PHKA1: variants seen among roughly 807,000 people sequenced by gnomAD.
PHKA1 encodes phosphorylase b kinase regulatory subunit alpha, skeletal muscle isoform.
Under a neutral mutation model 110.2 loss-of-function variants are expected in PHKA1, and 60 were observed. That is an observed-to-expected ratio of 0.54 (90% CI 0.44 to 0.68). The LOEUF (loss-of-function observed/expected upper bound fraction) is 0.68, where lower values mean the gene tolerates loss of function less well. Ranked by LOEUF, PHKA1 falls within the 30% of genes least tolerant of loss-of-function variation. The pLI, the probability that PHKA1 is intolerant of heterozygous loss-of-function variation, is 0.00. For missense variants in PHKA1, 801 were observed against 942.5 expected (o/e 0.85, Z 1.97); for synonymous variants, 316 against 333.6 (o/e 0.95, Z 0.58).
intron 10 of PHKA1, among the ~76,000 whole-genome samples, chrX:72,655,387 T>C (rs988702078): frequency 5.2e-4 from 58 of 111,729 alleles, no homozygotes; most frequent in African/African-American, 1.8e-3. Context: ...CACTACAGTC[T>C]GGGCAACAGA....
rs139396278 is a variant in PHKA1 at position 72,610,758 on chromosome X, C to A, written c.2526+270G>T. Among the ~76,000 whole-genome samples, 360 of 111,258 alleles carry A rather than the reference C, an allele frequency of 3.2e-3. 1 individual carries two copies. The highest frequency in any genetic ancestry group is 0.011 in the African/African-American group (347 of 30,662). On this transcript the variant is annotated intron_variant, in intron 22 of 31. Transcript: ENST00000373542. ...CCCACTAATGGTGTATGGATGTTTC[C>A]CTTTCTAGGAGGTAGGAACCTAGTG...
intron 12 of PHKA1, among the ~76,000 whole-genome samples, chrX:72,651,325 T>C (rs1051846742): frequency 4.0e-4 from 44 of 111,017 alleles, no homozygotes; most frequent in Non-Finnish European, 7.7e-4. Context: ...TCACCTGAGG[T>C]TGGGCTTTCG....
rs934636689 is a variant in PHKA1, at chrX:72,663,757, G to C, written c.864+2394C>G. Among the ~76,000 whole-genome samples the C allele has an allele frequency of 5.7e-5, 6 of 104,446 alleles. No homozygotes were observed. In the East Asian group the frequency reaches 1.8e-3, roughly 32 times the overall value. 90.7% of individuals were successfully genotyped at this position (104,446 alleles called of 115,157 possible). A position where few individuals can be genotyped will look rare whatever the true frequency, so the allele number is the denominator to read the frequency against. On this transcript the variant is annotated intron_variant, in intron 8 of 31. Transcript: ENST00000373542. ...AGCTGAAAAAAAAAAAAAAAAACCT[G>C]TCAGGCAAGAACACTATACCCAGAA...
chrX:72,695,283 C>G (rs782627232), intron 4 of PHKA1, among the ~76,000 whole-genome samples: 1 of 111,856 alleles, frequency 8.9e-6, no homozygotes, highest in East Asian at 2.8e-4. Flanking sequence ...TAAGTTGTTT[C>G]TTACATTTCC....
chrX:72,677,942 G>A (rs781783836), intron 5 of PHKA1, among the ~76,000 whole-genome samples: 1 of 110,991 alleles, frequency 9.0e-6, no homozygotes, highest in African/African-American at 3.3e-5. Context: ...CAACTACTAG[G>A]GAGGATGAAG....
intron 29 of PHKA1, among the ~76,000 whole-genome samples, chrX:72,587,368 G>C (rs900683463): frequency 3.6e-5 from 4 of 111,366 alleles, no homozygotes; most frequent in African/African-American, 6.5e-5. Context: ...AAATCCTTTA[G>C]AGACAAGCAA....
At chrX:72,581,210 A>G (rs1556201364) in intron 31 of PHKA1, 35 bp from the exon 32 acceptor site, 1 of 971,502 alleles carries the variant, frequency 1.0e-6, no homozygotes, top group Non-Finnish European at 1.5e-6. Flanking sequence ...AACATAGGGG[A>G]AAGGAAAAAT....
chrX:72,630,319 GAGAA>G (rs1319452801), intron 16 of PHKA1, among the ~76,000 whole-genome samples: 15 of 108,916 alleles, frequency 1.4e-4, no homozygotes, highest in Admixed American at 9.7e-5. Flanking sequence ...GAGAGAGAGA[GAGAA>G]AGAAAGGGAA....
At chrX:72,655,985 A>G in intron 10 of PHKA1, 135 bp downstream of exon 10, 1 of 715,042 alleles carries the variant, frequency 1.4e-6, no homozygotes, top group Non-Finnish European at 2.2e-6. Flanking sequence ...AGTGCCCTCA[A>G]CTAGTAGCCT....
intron 17 of PHKA1, among the ~76,000 whole-genome samples, chrX:72,626,484 T>C (rs1028885779): frequency 9.0e-6 from 1 of 110,863 alleles, no homozygotes; most frequent in Non-Finnish European, 1.9e-5. Context: ...CAACATTAAA[T>C]TCCTTGATTC....
intron 7 of PHKA1, 126 bp downstream of exon 7, chrX:72,667,249 G>T: frequency 5.7e-6 from 3 of 530,399 alleles, no homozygotes; most frequent in East Asian, 3.6e-5. Context: ...ATATATTTTT[G>T]GTACATGGTA....
chrX:72,606,571 TA>T (rs1454161717), intron 23 of PHKA1, among the ~76,000 whole-genome samples: 1 of 111,271 alleles, frequency 9.0e-6, no homozygotes, highest in Non-Finnish European at 1.9e-5. Flanking sequence ...AATTTTTTTT[TA>T]ATTTTTAATT....
At chrX:72,682,550 A>G (rs1387715961) in intron 5 of PHKA1, among the ~76,000 whole-genome samples, 5 of 107,916 alleles carry the variant, frequency 4.6e-5, no homozygotes, top group African/African-American at 6.7e-5. Context: ...AGAAGTAGAC[A>G]TGGGAGACTT....
chrX:72,668,158 T>C (rs1165466185), intron 6 of PHKA1, among the ~76,000 whole-genome samples: 1 of 112,358 alleles, frequency 8.9e-6, no homozygotes. Flanking sequence ...AATAGAACTT[T>C]GATAAACATC....
chrX:72,636,465 TAC>T (rs1249511508), intron 14 of PHKA1, 79 bp from the exon 15 acceptor site: 1 of 538,938 alleles, frequency 1.9e-6, no homozygotes, highest in Non-Finnish European at 3.4e-6. Context: ...TATATATATA[TAC>T]ACACACATAC....
intron 16 of PHKA1, among the ~76,000 whole-genome samples, chrX:72,631,277 T>C (rs1556287623): frequency 1.8e-5 from 2 of 112,069 alleles, no homozygotes; most frequent in African/African-American, 3.2e-5. Context: ...AATCTTTGCA[T>C]GATAACACCA....
At chrX:72,639,097 T>C (rs2053264383) in intron 14 of PHKA1, among the ~76,000 whole-genome samples, 1 of 112,567 alleles carries the variant, frequency 8.9e-6, no homozygotes, top group South Asian at 3.7e-4. Context: ...TCTACCTTTT[T>C]AGCTATGATA....
chrX:72,588,002 T>A (rs1408738648), intron 29 of PHKA1, among the ~76,000 whole-genome samples: 1 of 111,344 alleles, frequency 9.0e-6, no homozygotes, highest in African/African-American at 3.3e-5. Context: ...TAACACCCCA[T>A]GTCAATATTA....
chrX:72,588,997 G>A (rs1202972491), intron 29 of PHKA1, among the ~76,000 whole-genome samples: 1 of 111,597 alleles, frequency 9.0e-6, no homozygotes, highest in African/African-American at 3.3e-5. Context: ...TTCTACCAGA[G>A]GTACAGAGAG....
Sources: gnomAD v4.1 joint callset for allele counts (sites outside exome capture counted in the v4.1 genomes callset) on GRCh38, gnomAD v4.1.1 for gene constraint, MANE v1.5 for transcripts, NCBI Gene and HGNC (gene_info 2026-07-23, HGNC 2026-07-21) for gene names.